The following FER variants were observed in gnomAD, a reference collection of about 807,000 sequenced individuals.
The protein encoded by FER is FER tyrosine kinase, also known as tyrosine-protein kinase Fer.
In FER, 63 loss-of-function variants were observed where a neutral mutation model predicts 111.0. The observed-to-expected ratio is 0.57, with a 90% CI of 0.46 to 0.70. The LOEUF (loss-of-function observed/expected upper bound fraction) is 0.70. Among genes scored for constraint, FER ranks in the 30% least tolerant of loss-of-function variants. The pLI, the probability that FER is intolerant of heterozygous loss-of-function variation, is 0.00. For synonymous variants in FER, 327 were observed against 313.9 expected (o/e 1.04, Z -0.44); for missense variants, 914 against 954.0 (o/e 0.96, Z 0.55).
intron 16 of FER, among the ~76,000 whole-genome samples, chr5:109,090,043 A>G (rs1176352117): frequency 6.6e-6 from 1 of 152,102 alleles, no homozygotes; most frequent in Non-Finnish European, 1.5e-5. Context: ...TGCATCCAGT[A>G]TTCTGGTTTT....
chr5:108,855,130 C>T (rs1483484560), intron 5 of FER, among the ~76,000 whole-genome samples: 1 of 151,920 alleles, frequency 6.6e-6, no homozygotes, highest in Non-Finnish European at 1.5e-5. Flanking sequence ...TTATTAGATA[C>T]TCAAGTGGAA....
chr5:109,146,273 T>TCTA (rs375654116), intron 17 of FER, among the ~76,000 whole-genome samples: 4,265 of 62,204 alleles, frequency 0.069, 445 homozygotes, highest in South Asian at 0.12. Flanking sequence ...TATATATATA[T>TCTA]ATATATATAT....
At chr5:109,086,922 C>T (rs1228744850) in intron 16 of FER, among the ~76,000 whole-genome samples, 1 of 149,580 alleles carries the variant, frequency 6.7e-6, no homozygotes, top group Non-Finnish European at 1.5e-5. Context: ...TGGTCATCTT[C>T]TCTGTGTGTC....
intron 13 of FER, among the ~76,000 whole-genome samples, chr5:109,023,812 A>G (rs1016365800): frequency 5.3e-5 from 8 of 152,128 alleles, no homozygotes; most frequent in Non-Finnish European, 1.2e-4. Flanking sequence ...TGAATGAATG[A>G]GCAGTTGTGG....
chr5:109,083,386 C>A (rs1196156899), intron 16 of FER, among the ~76,000 whole-genome samples: 1 of 152,006 alleles, frequency 6.6e-6, no homozygotes, highest in Non-Finnish European at 1.5e-5. Context: ...TATGACAGAT[C>A]TCCATCAAAC....
rs1032836814 is a variant in FER at position 108,833,048 on chromosome 5, C to T, written c.381+105C>T. 6 of 975,710 alleles carry T rather than the reference C, an allele frequency of 6.1e-6. No individual in the cohort carries two copies. The East Asian group carries it at 1.3e-4, about 21-fold the overall frequency. The allele number at this position is 975,710 out of a possible 1,614,324, so 60.4% of individuals were successfully genotyped here. ...AAATTGTTTATTCATCATTTCCCAA[C>T]AAGAAATAGGTTTATGGTCTCTAAT... On this transcript the variant is annotated intron_variant, in intron 4 of 19. Coordinates refer to ENST00000281092, the MANE Select transcript of FER (RefSeq NM_005246.4).
chr5:108,976,752 C>T (rs1005680113), intron 13 of FER, among the ~76,000 whole-genome samples: 1 of 152,156 alleles, frequency 6.6e-6, no homozygotes, highest in Admixed American at 6.5e-5. Flanking sequence ...TAGTATTGTA[C>T]TGTATTTATT....
At chr5:108,893,760 A>G (rs543479609) in intron 9 of FER, among the ~76,000 whole-genome samples, 1 of 152,234 alleles carries the variant, frequency 6.6e-6, no homozygotes, top group East Asian at 1.9e-4. Flanking sequence ...AAAAGGCCTT[A>G]TGGTCATAAG....
At chr5:109,108,860 C>T (rs1227938037) in intron 17 of FER, among the ~76,000 whole-genome samples, 4 of 152,158 alleles carry the variant, frequency 2.6e-5, no homozygotes, top group Non-Finnish European at 4.4e-5. Context: ...AATCAACATA[C>T]AGAACTAGAG....
chr5:109,069,800 C>G (rs1581894465), intron 16 of FER, among the ~76,000 whole-genome samples: 2 of 152,116 alleles, frequency 1.3e-5, no homozygotes, highest in African/African-American at 2.4e-5. Flanking sequence ...AATTTTTTTT[C>G]TGTTTGAACT....
intron 8 of FER, among the ~76,000 whole-genome samples, chr5:108,876,779 G>T (rs1030962785): frequency 3.9e-5 from 6 of 152,078 alleles, no homozygotes; most frequent in Admixed American, 3.3e-4. Flanking sequence ...TGCATTAATA[G>T]GTGAACATTT....
intron 1 of FER, among the ~76,000 whole-genome samples, chr5:108,760,286 A>T (rs1315830779): frequency 1.3e-5 from 2 of 151,780 alleles, no homozygotes; most frequent in Non-Finnish European, 2.9e-5. Flanking sequence ...AGCAGAGTAG[A>T]TTTAGTATCA....
intron 18 of FER, among the ~76,000 whole-genome samples, chr5:109,184,877 C>T (rs959295560): frequency 6.6e-6 from 1 of 151,968 alleles, no homozygotes; most frequent in African/African-American, 2.4e-5. Context: ...GAAAGGCCAT[C>T]CTGTTTTAAA....
At chr5:109,037,343 A>G in intron 13 of FER, 79 bp from the exon 14 acceptor site, 1 of 1,210,734 alleles carries the variant, frequency 8.3e-7, no homozygotes, top group Admixed American at 1.8e-5. Flanking sequence ...CTTTAGGTCG[A>G]CTTTCCACTG....
At chr5:108,983,210 C>T (rs575404702) in intron 13 of FER, among the ~76,000 whole-genome samples, 3 of 151,996 alleles carry the variant, frequency 2.0e-5, no homozygotes, top group Non-Finnish European at 4.4e-5. Flanking sequence ...TCATATTGAA[C>T]ATTTCTGTTC....
chr5:109,158,632 G>A (rs1755666434), intron 17 of FER, among the ~76,000 whole-genome samples: 1 of 151,964 alleles, frequency 6.6e-6, no homozygotes, highest in South Asian at 2.1e-4. Context: ...ATCTTTAGTG[G>A]CTCAACATTG....
At chr5:108,929,975 A>C (rs1439455839) in intron 10 of FER, among the ~76,000 whole-genome samples, 1 of 152,168 alleles carries the variant, frequency 6.6e-6, no homozygotes, top group African/African-American at 2.4e-5. Flanking sequence ...TTCCAAGGTA[A>C]GTTATTGTTT....
intron 17 of FER, among the ~76,000 whole-genome samples, chr5:109,173,588 G>C (rs1012767761): frequency 6.6e-6 from 1 of 152,094 alleles, no homozygotes; most frequent in Non-Finnish European, 1.5e-5. Context: ...TTCCTTAAAA[G>C]CCTACTTCAT....
intron 9 of FER, among the ~76,000 whole-genome samples, chr5:108,883,951 C>T (rs1445647728): frequency 6.6e-6 from 1 of 151,998 alleles, no homozygotes; most frequent in Non-Finnish European, 1.5e-5. Context: ...AAAAATCACT[C>T]AGTGATTAGC....
Sources: gnomAD v4.1 joint callset for allele counts (sites outside exome capture counted in the v4.1 genomes callset) on GRCh38, gnomAD v4.1.1 for gene constraint, MANE v1.5 for transcripts, NCBI Gene and HGNC (gene_info 2026-07-23, HGNC 2026-07-21) for gene names.